PCDHGA1: variants seen among roughly 807,000 people sequenced by gnomAD.
PCDHGA1 encodes the protein protocadherin gamma-A1.
Under a neutral mutation model 58.0 loss-of-function variants are expected in PCDHGA1, and 32 were observed. The ratio of observed to expected loss-of-function variants is 0.55; its 90% CI spans 0.42 to 0.74. The LOEUF (loss-of-function observed/expected upper bound fraction) is 0.74. PCDHGA1 is among the 30% of genes least tolerant of loss of function. The probability of loss-of-function intolerance (pLI) is 0.00; values close to 1 mark genes in which losing one functional copy is unlikely to be tolerated. For missense variants in PCDHGA1, 1,205 were observed against 1,182.3 expected (o/e 1.02, Z -0.28); for synonymous variants, 498 against 501.1 (o/e 0.99, Z 0.08).
chr5:141,428,354 T>G, intron 1 of PCDHGA1: 1 of 572,018 alleles, frequency 1.7e-6, no homozygotes. Context: ...GCAGTGATTT[T>G]GGCGGTCGCC....
rs751349784 is a variant in PCDHGA1, at chr5:141,352,365, C to A, written c.2421+19260C>A. On this transcript the variant is annotated intron_variant, in intron 1 of 3. Coordinates refer to ENST00000517417, the MANE Select transcript of PCDHGA1 (RefSeq NM_018912.3). ...TTGATCTCAGTGCTCTTTCTCCTCGCGGTGATTCTAGCGATCGCCCTGCGC... is the reference window on the plus strand; with the variant it reads ...TTGATCTCAGTGCTCTTTCTCCTCGAGGTGATTCTAGCGATCGCCCTGCGC... The A allele has an allele frequency of 3.1e-6, 5 of 1,613,928 alleles. No individual in the cohort carries two copies. The African/African-American group carries it at 4.0e-5, about 13-fold the overall frequency.
intron 1 of PCDHGA1, chr5:141,375,002 CTAGACTAT>C (rs1771028356): frequency 6.2e-7 from 1 of 1,613,890 alleles, no homozygotes; most frequent in Non-Finnish European, 8.5e-7. Flanking sequence ...TTCTGCAAAT[CTAGACTAT>C]GAGGACTCGA....
At chr5:141,337,009 C>A (rs1263901207) in intron 1 of PCDHGA1, among the ~76,000 whole-genome samples, 3 of 152,030 alleles carry the variant, frequency 2.0e-5, no homozygotes, top group Admixed American at 6.5e-5. Flanking sequence ...ATACAAATGG[C>A]CAAAACCATA....
chr5:141,366,033 C>G (rs1310722008), intron 1 of PCDHGA1: 2 of 1,614,254 alleles, frequency 1.2e-6, no homozygotes, highest in South Asian at 2.2e-5. Context: ...CCCGCCCTCC[C>G]CACAGACGGT....
intron 1 of PCDHGA1, chr5:141,415,851 T>A: frequency 8.1e-7 from 1 of 1,228,614 alleles, no homozygotes; most frequent in Non-Finnish European, 1.1e-6. Flanking sequence ...TTGCAGAACC[T>A]TGTAGTTTAT....
intron 1 of PCDHGA1, chr5:141,407,918 C>T (rs890872713): frequency 1.1e-5 from 5 of 472,514 alleles, no homozygotes. Context: ...GGGCTGCTGT[C>T]CCGCACGGAG....
intron 1 of PCDHGA1, chr5:141,365,046 C>A (rs753242901): frequency 6.2e-7 from 1 of 1,613,884 alleles, no homozygotes; most frequent in Admixed American, 1.7e-5. Context: ...AACGACAATG[C>A]GCCCCTGTTC....
At position 141,484,779 on chromosome 5, in the gene PCDHGA1, C is replaced by G. The variant is rs186158562; in HGVS notation, c.2422-10028C>G. On this transcript the variant is annotated intron_variant, in intron 1 of 3. Transcript: ENST00000517417. ...ATATATATATATGTTGTCTGCCTCCCCACAGAGATAACAACCCGTGGAAAA... is the reference window on the plus strand; with the variant it reads ...ATATATATATATGTTGTCTGCCTCCGCACAGAGATAACAACCCGTGGAAAA... Among the ~76,000 whole-genome samples, 137 of 152,130 alleles carry G rather than the reference C, an allele frequency of 9.0e-4. 1 individual carries two copies. Among genetic ancestry groups the G allele is most frequent in the Non-Finnish European group, 1.6e-3 (110 of 67,996 alleles).
In PCDHGA1 at chr5:141,477,097, G is replaced by A; in HGVS notation, c.2422-17710G>A. ...AGATTTACATCCAGGCCAAAGACAAGGGCGCCAATCCCGAAGGAGCACATT... is the reference window on the plus strand; with the variant it reads ...AGATTTACATCCAGGCCAAAGACAAAGGCGCCAATCCCGAAGGAGCACATT... On this transcript the variant is annotated intron_variant, in intron 1 of 3. Transcript: ENST00000517417. This position sits in a 1 kb window ranked among gnomAD's most constrained non-coding sequence, Gnocchi z 4.9. 1 of 1,614,242 alleles carries A rather than the reference G, an allele frequency of 6.2e-7. No homozygotes were observed. Among genetic ancestry groups the A allele is most frequent in the South Asian group, 1.1e-5 (1 of 91,088 alleles).
intron 3 of PCDHGA1, 86 bp downstream of exon 3, chr5:141,505,567 T>C: frequency 6.3e-7 from 1 of 1,599,440 alleles, no homozygotes; most frequent in South Asian, 1.1e-5. Flanking sequence ...ACGGACTGGA[T>C]GTCAAACCTG....
chr5:141,365,018 G>T, intron 1 of PCDHGA1: 1 of 1,613,880 alleles, frequency 6.2e-7, no homozygotes, highest in Non-Finnish European at 8.5e-7. Context: ...GCACATCCGT[G>T]TTACGGTCCT....
intron 1 of PCDHGA1, chr5:141,367,126 T>C (rs1038047852): frequency 3.8e-5 from 8 of 211,274 alleles, no homozygotes; most frequent in Non-Finnish European, 6.6e-5. Context: ...AGTGAATGTG[T>C]TTTGGAAAGG....
intron 1 of PCDHGA1, chr5:141,372,736 T>C (rs1303541912): frequency 1.9e-6 from 3 of 1,613,276 alleles, no homozygotes; most frequent in African/African-American, 2.7e-5. Context: ...CAAGATCTTC[T>C]ATGTGATGAA....
intron 1 of PCDHGA1, chr5:141,370,699 G>A (rs1767129462): frequency 6.2e-7 from 1 of 1,613,804 alleles, no homozygotes; most frequent in Non-Finnish European, 8.5e-7. Context: ...AAGTCGACGT[G>A]TGTTCTGGAA....
intron 1 of PCDHGA1, chr5:141,413,000 A>G: frequency 1.7e-6 from 1 of 587,734 alleles, no homozygotes; most frequent in Admixed American, 3.6e-5. Context: ...CCGGATTCTC[A>G]GGGCTTCAAC....
In PCDHGA1 at chr5:141,431,243, A is replaced by G; in HGVS notation, c.2422-63564A>G. 1 of 1,614,154 alleles carries G rather than the reference A, an allele frequency of 6.2e-7. No homozygotes were observed. Among genetic ancestry groups the G allele is most frequent in the Non-Finnish European group, 8.5e-7 (1 of 1,180,034 alleles). ...TCTACCCCACGCCTGGGATCCGGAT[A>G]TCGGGAAGAACTCTCTGCAGAGCTA... On this transcript the variant is annotated intron_variant, in intron 1 of 3. Coordinates refer to ENST00000517417, the MANE Select transcript of PCDHGA1 (RefSeq NM_018912.3). This position sits in a 1 kb window ranked among gnomAD's most constrained non-coding sequence, Gnocchi z 4.8.
At chr5:141,448,850 C>A (rs1227646790) in intron 1 of PCDHGA1, among the ~76,000 whole-genome samples, 1 of 152,048 alleles carries the variant, frequency 6.6e-6, no homozygotes, top group Non-Finnish European at 1.5e-5. Context: ...GAGGCTGAGG[C>A]AGGAGAATGG....
chr5:141,447,235 G>T (rs1458489257), intron 1 of PCDHGA1, among the ~76,000 whole-genome samples: 1 of 152,084 alleles, frequency 6.6e-6, no homozygotes, highest in Non-Finnish European at 1.5e-5. Flanking sequence ...CGCCTCCCGG[G>T]TTCAAGTGAT....
chr5:141,413,630 C>T (rs746896115), intron 1 of PCDHGA1: 2 of 1,613,692 alleles, frequency 1.2e-6, no homozygotes, highest in Admixed American at 3.3e-5. Flanking sequence ...AATGTCGCTG[C>T]GGGAATGCGT....
Sources: gnomAD v4.1 joint callset for allele counts (sites outside exome capture counted in the v4.1 genomes callset) on GRCh38, gnomAD v4.1.1 for gene constraint, Gnocchi (gnomAD v3.1) non-coding constraint, MANE v1.5 for transcripts, NCBI Gene and HGNC (gene_info 2026-07-23, HGNC 2026-07-21) for gene names.